SCN7A: variants seen among roughly 807,000 people sequenced by gnomAD.
SCN7A encodes sodium channel protein type 7 subunit alpha.
SCN7A carries 138 observed loss-of-function variants against 155.2 expected under a neutral mutation model. The observed-to-expected ratio is 0.89, with a 90% CI of 0.77 to 1.02. SCN7A has a LOEUF of 1.02. Among genes scored for constraint, SCN7A ranks in the 50% least tolerant of loss-of-function variants. The probability of loss-of-function intolerance (pLI) is 0.00; values close to 1 mark genes in which losing one functional copy is unlikely to be tolerated. For missense variants in SCN7A, 2,058 were observed against 1,986.6 expected, an observed-to-expected ratio of 1.04 and a Z score of -0.68; for synonymous variants, 693 against 649.0, an observed-to-expected ratio of 1.07 and a Z score of -1.03.
intron 9 of SCN7A, among the ~76,000 whole-genome samples, chr2:166,465,226 C>A (rs1264407637): frequency 6.6e-6 from 1 of 152,160 alleles, no homozygotes; most frequent in African/African-American, 2.4e-5. Context: ...GCACCTTGAT[C>A]TGGACTTCTC....
chr2:166,419,836 T>C (rs868264889), intron 20 of SCN7A, among the ~76,000 whole-genome samples: 1 of 152,208 alleles, frequency 6.6e-6, no homozygotes, highest in South Asian at 2.1e-4. Flanking sequence ...ATTACTATTT[T>C]AGATTTTTTG....
chr2:166,407,255 C>A (rs1339968903), intron 25 of SCN7A, among the ~76,000 whole-genome samples: 1 of 151,898 alleles, frequency 6.6e-6, no homozygotes, highest in Non-Finnish European at 1.5e-5. Flanking sequence ...ATAAATAAGT[C>A]TTTGTTTAGA....
intron 11 of SCN7A, among the ~76,000 whole-genome samples, chr2:166,452,116 G>A (rs1257693716): frequency 6.6e-6 from 1 of 151,738 alleles, no homozygotes; most frequent in Non-Finnish European, 1.5e-5. Context: ...ATACAAACAA[G>A]GTCCAAACAT....
At chr2:166,480,448 A>G (rs1264994464) in intron 2 of SCN7A, among the ~76,000 whole-genome samples, 2 of 143,574 alleles carry the variant, frequency 1.4e-5, no homozygotes, top group Non-Finnish European at 3.0e-5. Context: ...AAAGAGCGAG[A>G]CTCCGTCTCA....
chr2:166,490,940 G>A (rs1343110828), intron 1 of SCN7A, among the ~76,000 whole-genome samples: 1 of 152,100 alleles, frequency 6.6e-6, no homozygotes, highest in Non-Finnish European at 1.5e-5. Flanking sequence ...TTTAGTTTTT[G>A]TCTCACTCTG....
chr2:166,407,096 A>C (rs3791252), intron 25 of SCN7A, among the ~76,000 whole-genome samples: 98,662 of 151,842 alleles, frequency 0.65, 32,228 homozygotes, highest in African/African-American at 0.71. Flanking sequence ...AATTTAGAAA[A>C]TAGTGACAGA....
At chr2:166,416,012 G>A (rs1701367499) in intron 21 of SCN7A, among the ~76,000 whole-genome samples, 1 of 151,956 alleles carries the variant, frequency 6.6e-6, no homozygotes, top group Admixed American at 6.6e-5. Context: ...TAATACTCTG[G>A]GAAAGGAATT....
intron 21 of SCN7A, chr2:166,414,698 G>A (rs1701322348): frequency 7.4e-6 from 1 of 135,960 alleles, no homozygotes; most frequent in Admixed American, 8.4e-5. Context: ...ATAGATACAC[G>A]AGCTTACTTC....
chr2:166,482,754 G>C (rs1332260175), intron 2 of SCN7A, among the ~76,000 whole-genome samples: 1 of 136,936 alleles, frequency 7.3e-6, no homozygotes, highest in African/African-American at 2.9e-5. Flanking sequence ...ATTGCCTTCT[G>C]CGATACTGCA....
chr2:166,444,029 T>C (rs2105438696), intron 13 of SCN7A, among the ~76,000 whole-genome samples: 1 of 152,294 alleles, frequency 6.6e-6, no homozygotes, highest in Non-Finnish European at 1.5e-5. Flanking sequence ...TGAGAAAACA[T>C]AGCATGAACC....
chr2:166,420,129 T>A (rs1701480436), intron 20 of SCN7A, among the ~76,000 whole-genome samples: 1 of 152,044 alleles, frequency 6.6e-6, no homozygotes, highest in South Asian at 2.1e-4. Flanking sequence ...ATTATTTTTT[T>A]AAATAAAATA....
chr2:166,427,991 A>G (rs772195818), intron 17 of SCN7A, 49 bp from the exon 18 acceptor site: 205 of 1,582,096 alleles, frequency 1.3e-4, no homozygotes, highest in Admixed American at 1.7e-4. Context: ...ACTCATGAAA[A>G]AGTAAACAAC....
intron 1 of SCN7A, among the ~76,000 whole-genome samples, chr2:166,490,818 C>A (rs1005018486): frequency 1.3e-5 from 2 of 152,300 alleles, no homozygotes. Flanking sequence ...GCAACTCTCC[C>A]AAAAGCTCCT....
At chr2:166,409,638 TA>T (rs1445748834) in intron 25 of SCN7A, 26 bp downstream of exon 25, 4 of 1,427,970 alleles carry the variant, frequency 2.8e-6, no homozygotes, top group Non-Finnish European at 3.7e-6. Flanking sequence ...TTATTATCAG[TA>T]AAAATTTGAC....
Position 166,421,216 on chromosome 2 carries a change from C to T in SCN7A, c.3109G>A (p.Val1037Ile). 2 of 1,535,306 alleles carry T rather than the reference C, an allele frequency of 1.3e-6. No individual in the cohort carries two copies. Among genetic ancestry groups the T allele is most frequent in the Non-Finnish European group, 1.8e-6 (2 of 1,141,508 alleles). ...ISMKFLRPLR[V>I]LSQFERMKVV... Reference sequence around the variant, plus strand: ...TTCATTCTTTCAAATTGAGATAGAACTCTGAGGGGCCGAAGGAATTTCATG... The same window carrying T: ...TTCATTCTTTCAAATTGAGATAGAATTCTGAGGGGCCGAAGGAATTTCATG... Residue 1037 changes from valine (V) to isoleucine (I), a missense_variant, in exon 20 of 26, where the codon GTT (valine) becomes ATT (isoleucine). By Grantham distance (29) the Val-to-Ile change is conservative (BLOSUM62 3). Coordinates refer to ENST00000643258, the MANE Select transcript of SCN7A (RefSeq NM_002976.4).
At chr2:166,450,059 C>T (rs1702144481) in intron 11 of SCN7A, among the ~76,000 whole-genome samples, 1 of 152,178 alleles carries the variant, frequency 6.6e-6, no homozygotes, top group South Asian at 2.1e-4. Flanking sequence ...GACAAGGGAT[C>T]AATCCAGATG....
chr2:166,482,080 T>C (rs566849983), intron 2 of SCN7A, among the ~76,000 whole-genome samples: 50 of 152,256 alleles, frequency 3.3e-4, no homozygotes, highest in African/African-American at 1.2e-3. Context: ...TTTTGGAACA[T>C]TTCTAAGGTT....
intron 11 of SCN7A, among the ~76,000 whole-genome samples, chr2:166,453,748 G>T (rs1211963388): frequency 6.6e-6 from 1 of 152,098 alleles, no homozygotes; most frequent in African/African-American, 2.4e-5. Flanking sequence ...ATAACATGAG[G>T]ATATGAAGCA....
At position 166,444,851 on chromosome 2, in the gene SCN7A, T is replaced by C. The variant is rs748215481; in HGVS notation, c.1537A>G (p.Ile513Val). ...AAACATACGTTTAAAATTATGCATA[T>C]GATAAGGAAAAGATCAGTAAATGGT... ...MAPFTDLFLIICIILNVCFLT... is the reference protein window; with the variant it reads ...MAPFTDLFLIVCIILNVCFLT... Residue 513 changes from isoleucine (I) to valine (V), a missense_variant, in exon 13 of 26, where the codon ATA becomes GTA. Transcript: ENST00000643258. 5.6e-6 allele frequency: 9 copies of C among 1,612,022 alleles called. No individual in the cohort carries two copies. Among genetic ancestry groups the C allele is most frequent in the Middle Eastern group, 1.7e-4 (1 of 6,052 alleles).
Sources: allele counts gnomAD v4.1 joint callset (sites outside exome capture counted in the v4.1 genomes callset), GRCh38; gene constraint gnomAD v4.1.1; transcripts MANE v1.5; gene names NCBI Gene and HGNC (gene_info 2026-07-23, HGNC 2026-07-21).